Variants in ADAMTSL3 observed in about 807,000 individuals in gnomAD.
ADAMTSL3 encodes the protein ADAMTS-like protein 3.
ADAMTSL3 carries 128 observed loss-of-function variants against 201.7 expected under a neutral mutation model. That is an observed-to-expected ratio of 0.63 (90% CI 0.55 to 0.73). ADAMTSL3 has a LOEUF of 0.73. ADAMTSL3 is among the 30% of genes least tolerant of loss of function. The pLI, the probability that ADAMTSL3 is intolerant of heterozygous loss-of-function variation, is 0.00. For synonymous variants in ADAMTSL3, 738 were observed against 748.4 expected (o/e 0.99, Z 0.23); for missense variants, 1,990 against 2,119.6 (o/e 0.94, Z 1.20).
chr15:83,698,776 A>T (rs1487684489), intron 2 of ADAMTSL3, among the ~76,000 whole-genome samples: 1 of 152,132 alleles, frequency 6.6e-6, no homozygotes, highest in East Asian at 1.9e-4. Flanking sequence ...GAAAAACTGC[A>T]CCATAACTAC....
At chr15:83,936,177 A>C (rs918716681) in intron 17 of ADAMTSL3, among the ~76,000 whole-genome samples, 1 of 152,044 alleles carries the variant, frequency 6.6e-6, no homozygotes, top group Non-Finnish European at 1.5e-5. Context: ...TGTCCAACAA[A>C]ACCTTGTAAA....
chr15:83,808,926 A>AC (rs1290029110), intron 5 of ADAMTSL3, among the ~76,000 whole-genome samples: 1 of 152,074 alleles, frequency 6.6e-6, no homozygotes, highest in African/African-American at 2.4e-5. Context: ...AAAAAAAAAA[A>AC]AAAAACAACT....
chr15:83,856,399 A>T (rs1247671946), intron 7 of ADAMTSL3, among the ~76,000 whole-genome samples: 1 of 151,342 alleles, frequency 6.6e-6, no homozygotes. Context: ...CTGGTCTCGA[A>T]CTCCTGGGCT....
intron 21 of ADAMTSL3, among the ~76,000 whole-genome samples, chr15:83,983,913 A>G (rs1468292795): frequency 6.6e-6 from 1 of 152,200 alleles, no homozygotes; most frequent in African/African-American, 2.4e-5. Flanking sequence ...TCACACAAAT[A>G]CGTAGCCTTG....
chr15:83,672,481 C>A (rs2061341235), intron 2 of ADAMTSL3, among the ~76,000 whole-genome samples: 2 of 152,198 alleles, frequency 1.3e-5, no homozygotes, highest in Non-Finnish European at 2.9e-5. Context: ...GGGATGACTG[C>A]CCATTTGCTG....
intron 2 of ADAMTSL3, among the ~76,000 whole-genome samples, chr15:83,669,876 T>G (rs1230142404): frequency 2.0e-5 from 3 of 152,058 alleles, no homozygotes; most frequent in African/African-American, 7.2e-5. Flanking sequence ...CTCACAACCC[T>G]CATAAATGAA....
chr15:83,924,109 G>A, intron 17 of ADAMTSL3, 76 bp downstream of exon 17: 1 of 1,544,812 alleles, frequency 6.5e-7, no homozygotes, highest in African/African-American at 1.4e-5. Context: ...ACCCACCTAA[G>A]TGCAGACTTG....
At chr15:83,688,749 T>TACACACACAC (rs1157433275) in intron 2 of ADAMTSL3, among the ~76,000 whole-genome samples, 1,676 of 48,910 alleles carry the variant, frequency 0.034, 36 homozygotes, top group African/African-American at 0.11. Context: ...TACACATGCA[T>TACACACACAC]ATATATACAC....
intron 5 of ADAMTSL3, among the ~76,000 whole-genome samples, chr15:83,817,243 G>A (rs1567163716): frequency 6.6e-6 from 1 of 152,176 alleles, no homozygotes; most frequent in African/African-American, 2.4e-5. Context: ...AAATACAAAC[G>A]TGAAGTAGCA....
At chr15:83,915,606 C>T (rs749200870) in intron 16 of ADAMTSL3, among the ~76,000 whole-genome samples, 5 of 152,104 alleles carry the variant, frequency 3.3e-5, no homozygotes, top group African/African-American at 4.8e-5. Flanking sequence ...GTTGTGCAGC[C>T]GTTAACATAA....
intron 4 of ADAMTSL3, among the ~76,000 whole-genome samples, chr15:83,795,257 G>A (rs7177500): frequency 0.16 from 18,052 of 112,238 alleles, 1,182 homozygotes; most frequent in East Asian, 0.34. Flanking sequence ...AACAACAACA[G>A]CAGCAGCAAC....
intron 4 of ADAMTSL3, among the ~76,000 whole-genome samples, chr15:83,791,750 C>T (rs1219922094): frequency 6.6e-6 from 1 of 151,692 alleles, no homozygotes; most frequent in Non-Finnish European, 1.5e-5. Context: ...GTCCCAGCTA[C>T]TCGGGAGGCT....
intron 2 of ADAMTSL3, among the ~76,000 whole-genome samples, chr15:83,701,732 C>T (rs1301776481): frequency 6.6e-6 from 1 of 151,768 alleles, no homozygotes; most frequent in Non-Finnish European, 1.5e-5. Flanking sequence ...CTGAGGCCTC[C>T]CCAGCCATGT....
intron 26 of ADAMTSL3, among the ~76,000 whole-genome samples, 200 bp from the exon 27 acceptor site, chr15:84,025,038 A>C (rs1170333406): frequency 6.6e-6 from 1 of 152,230 alleles, no homozygotes; most frequent in Non-Finnish European, 1.5e-5. Context: ...TCATCTCTAC[A>C]TGATGACACT....
intron 21 of ADAMTSL3, among the ~76,000 whole-genome samples, chr15:83,988,472 G>T (rs763480342): frequency 8.5e-5 from 13 of 152,172 alleles, no homozygotes; most frequent in Non-Finnish European, 1.5e-4. Context: ...GCACTGTTGA[G>T]CTCTAACGTT....
At chr15:83,954,421 C>T (rs532168383) in intron 19 of ADAMTSL3, among the ~76,000 whole-genome samples, 1 of 152,260 alleles carries the variant, frequency 6.6e-6, no homozygotes, top group African/African-American at 2.4e-5. Flanking sequence ...TGATAGAATT[C>T]TGAATTCCTT....
chr15:84,002,648 G>C (rs1281604637), intron 23 of ADAMTSL3, among the ~76,000 whole-genome samples: 3 of 152,048 alleles, frequency 2.0e-5, no homozygotes, highest in African/African-American at 7.2e-5. Flanking sequence ...ATGGAGCCTT[G>C]TCAAGGACCC....
intron 3 of ADAMTSL3, among the ~76,000 whole-genome samples, chr15:83,727,746 A>G (rs1486531504): frequency 6.6e-6 from 1 of 151,902 alleles, no homozygotes; most frequent in Non-Finnish European, 1.5e-5. Context: ...TATGATTTCA[A>G]TTTAAATTTT....
chr15:83,899,708 C>G lies in ADAMTSL3; in HGVS notation c.1677C>G (p.Thr559=). Residue 559 remains threonine, a synonymous_variant, in exon 15 of 30, where the codon ACC becomes ACG. Transcript: ENST00000286744. ...WLKQAQELEE[T]RIATEEPTFI... ...AACAAGCACAAGAACTAGAAGAGAC[C>G]AGAATAGCAACAGAAGAACCAACGT... 1.9e-6 allele frequency: 3 copies of G among 1,611,670 alleles called. No individual in the cohort carries two copies. Among genetic ancestry groups the G allele is most frequent in the Non-Finnish European group, 2.5e-6 (3 of 1,178,512 alleles).
Sources: allele counts gnomAD v4.1 joint callset (sites outside exome capture counted in the v4.1 genomes callset), GRCh38; gene constraint gnomAD v4.1.1; transcripts MANE v1.5; gene names NCBI Gene and HGNC (gene_info 2026-07-23, HGNC 2026-07-21).